The following KMT2D variants were observed in gnomAD, a reference collection of about 807,000 sequenced individuals.
The protein encoded by KMT2D is lysine methyltransferase 2D, also known as histone-lysine N-methyltransferase 2D.
KMT2D carries 55 observed loss-of-function variants against 512.7 expected under a neutral mutation model. The ratio of observed to expected loss-of-function variants is 0.11; its 90% CI spans 0.09 to 0.13. The LOEUF is 0.13. KMT2D is among the 10% of genes least tolerant of loss of function. The probability of loss-of-function intolerance (pLI) is 1.00; values close to 1 mark genes in which losing one functional copy is unlikely to be tolerated. For missense variants in KMT2D, 6,061 were observed against 7,127.9 expected, an observed-to-expected ratio of 0.85 and a Z score of 5.39; for synonymous variants, 2,995 against 2,904.0, an observed-to-expected ratio of 1.03 and a Z score of -1.01.
rs892082762 is a variant in KMT2D, at chr12:49,024,427, A to G, written c.16052+151T>C. 1.5e-5 allele frequency: 15 copies of G among 987,678 alleles called. No homozygotes were observed. In the Middle Eastern group the frequency reaches 9.9e-4, roughly 65 times the overall value. 61.2% of individuals were successfully genotyped at this position (987,678 alleles called of 1,614,324 possible). A position where few individuals can be genotyped will look rare whatever the true frequency, so the allele number is the denominator to read the frequency against. On this transcript the variant is annotated intron_variant, in intron 51 of 54. Transcript: ENST00000301067. The surrounding 1 kb of genome is among the most constrained non-coding windows in gnomAD (Gnocchi z 4.5). ...AGGAGGAAAAGGATACCCTACTAATACCTGCATGCCCTCTAATTAGGAAGT... is the reference window on the plus strand; with the variant it reads ...AGGAGGAAAAGGATACCCTACTAATGCCTGCATGCCCTCTAATTAGGAAGT...
Position 49,030,416 on chromosome 12 carries a change from T to C in KMT2D, c.13863A>G (p.Thr4621=). 4 of 1,258,762 alleles carry C rather than the reference T, an allele frequency of 3.2e-6. No homozygotes were observed. The highest frequency in any genetic ancestry group is 4.2e-6 in the Non-Finnish European group (4 of 946,026). 78.0% of individuals were successfully genotyped at this position (1,258,762 alleles called of 1,614,324 possible). A position where few individuals can be genotyped will look rare whatever the true frequency, so the allele number is the denominator to read the frequency against. ...LTKNNLSNPP[T]PPSSLPPTPP... Reference sequence around the variant, plus strand: ...GGGTGGGGGGCAGCGACGAGGGTGGTGTCGGCGGGTTACTCAGGTTATTCT... The same window carrying C: ...GGGTGGGGGGCAGCGACGAGGGTGGCGTCGGCGGGTTACTCAGGTTATTCT... Residue 4621 remains threonine, a synonymous_variant, in exon 43 of 55, where the codon ACA becomes ACG. Transcript: ENST00000301067.
At position 49,027,287 on chromosome 12, in the gene KMT2D, G is replaced by A; in HGVS notation, c.14679C>T (p.Ser4893=). ...SPAPEPPTQH[S]YTYNVSNLDV... ...CCAGATTGGAGACATTGTAGGTATA[G>A]CTGTGCTGAGTGGGTGGCTCTGGGG... Residue 4893 remains serine (S), a synonymous_variant, in exon 49 of 55, where the codon AGC becomes AGT. Transcript: ENST00000301067. 6.5e-7 allele frequency: 1 copy of A among 1,543,244 alleles called. No homozygotes were observed. The highest frequency in any genetic ancestry group is 8.7e-7 in the Non-Finnish European group (1 of 1,148,332).
chr12:49,038,490 T>C lies in KMT2D; in HGVS notation c.8866A>G (p.Thr2956Ala), dbSNP rs777346353. 29 of 1,606,612 alleles carry C rather than the reference T, an allele frequency of 1.8e-5. No homozygotes were observed. The highest frequency in any genetic ancestry group is 6.7e-5 in the Admixed American group (4 of 59,658). ...LHPTPHTKGP[T>A]LPTGLELVNR... Reference sequence around the variant, plus strand: ...ACCAGCTCCAAACCAGTTGGCAGGGTAGGACCCTTGGTGTGGGGTGTTGGA... The same window carrying C: ...ACCAGCTCCAAACCAGTTGGCAGGGCAGGACCCTTGGTGTGGGGTGTTGGA... The change falls in exon 35 of 55, where the codon ACC becomes GCC. Residue 2956 changes from threonine (T) to alanine (A), a missense_variant. Physicochemically the swap from Thr to Ala is moderately conservative, Grantham distance 58. This residue lies in a region of KMT2D where 527 missense variants were observed against 578.9 expected (regional missense o/e 0.91). Transcript: ENST00000301067. This position sits in a 1 kb window ranked among gnomAD's most constrained non-coding sequence, Gnocchi z 5.7.
In KMT2D at chr12:49,051,972, G is replaced by A. The variant is rs1263886473; in HGVS notation, c.1711C>T (p.Arg571Cys). 1.5e-5 allele frequency: 24 copies of A among 1,613,506 alleles called. No individual in the cohort carries two copies. The highest frequency in any genetic ancestry group is 4.4e-5 in the South Asian group (4 of 91,070). Reference sequence around the variant, plus strand: ...GACTCCTCAGGTGGTGGAGACAGGCGAGATGCTTCAGGTGGCGGGGAAGTG... The same window carrying A: ...GACTCCTCAGGTGGTGGAGACAGGCAAGATGCTTCAGGTGGCGGGGAAGTG... ...LPTSPPPEAS[R>C]LSPPPEESPM... Residue 571 changes from arginine (R) to cysteine (C), a missense_variant, in exon 11 of 55, where the codon CGC becomes TGC. By Grantham distance (180) the Arg-to-Cys change is radical. This residue lies in a region of KMT2D where 848 missense variants were observed against 838.5 expected (regional missense o/e 1.01). Transcript: ENST00000301067.
rs2120486171 is a variant in KMT2D, at chr12:49,037,825, C to T, written c.9531G>A (p.Gly3177=). The part of the protein sequence containing the change: ...RMGTGPFSSS[G]HTAEKASFGA... ...CAAAGGAGGCCTTCTCAGCTGTGTG[C>T]CCACTGCTAGAAAATGGCCCTGTGC... is the stretch of plus-strand genomic sequence containing the variant. Residue 3177 remains glycine (G), a synonymous_variant, in exon 35 of 55, where the codon GGG becomes GGA. Coordinates refer to ENST00000301067, the MANE Select transcript of KMT2D (RefSeq NM_003482.4). The T allele has an allele frequency of 1.3e-6, 2 of 1,596,800 alleles. No homozygotes were observed. Among genetic ancestry groups the T allele is most frequent in the Non-Finnish European group, 8.5e-7 (1 of 1,171,542 alleles).
intron 1 of KMT2D, among the ~76,000 whole-genome samples, chr12:49,056,609 G>A (rs1194629689): frequency 6.6e-6 from 1 of 152,200 alleles, no homozygotes; most frequent in Non-Finnish European, 1.5e-5. Context: ...GAAAGTGGTG[G>A]TGAGGTGGGG....
Position 49,032,954 on chromosome 12 carries a change from C to T in KMT2D, c.11751G>A (p.Gln3917=), listed in dbSNP as rs1050454871. 1.3e-6 allele frequency: 2 copies of T among 1,550,338 alleles called. No homozygotes were observed. The highest frequency in any genetic ancestry group is 2.7e-5 in the African/African-American group (2 of 72,918). ...GTTGCTGTTGCTGTTGTAGCTGCTGCTGCTGCTGCTGCTGAAGTTGCTGTT... is the reference window on the plus strand; with the variant it reads ...GTTGCTGTTGCTGTTGTAGCTGCTGTTGCTGCTGCTGCTGAAGTTGCTGTT... The part of the protein sequence containing the change: ...QQQQQLQQQQ[Q]QQLQQQQQLQ... Residue 3917 remains glutamine (Q), a synonymous_variant, in exon 40 of 55, where the codon CAG becomes CAA. Transcript: ENST00000301067.
Position 49,032,241 on chromosome 12 carries a change from G to A in KMT2D, c.12464C>T (p.Pro4155Leu), listed in dbSNP as rs2120429741. 6.2e-7 allele frequency: 1 copy of A among 1,613,838 alleles called. No homozygotes were observed. Among genetic ancestry groups the A allele is most frequent in the East Asian group, 2.2e-5 (1 of 44,888 alleles). Residue 4155 changes from proline to leucine, a missense_variant, in exon 40 of 55, where the codon CCC becomes CTC. Physicochemically the swap from Pro to Leu is moderately conservative, Grantham distance 98 (BLOSUM62 -3). Transcript: ENST00000301067. ...PGSMTQNLLGPQQPMLERPMQ... is the reference protein window; with the variant it reads ...PGSMTQNLLGLQQPMLERPMQ... ...GGGCCGCTCTAGCATGGGCTGTTGGGGGCCCAGAAGGTTCTGGGTCATGGA... is the reference window on the plus strand; with the variant it reads ...GGGCCGCTCTAGCATGGGCTGTTGGAGGCCCAGAAGGTTCTGGGTCATGGA...
rs1555198633 is a variant in KMT2D, at chr12:49,054,385, T to C, written c.432A>G (p.Ala144=). Residue 144 remains alanine, a synonymous_variant, in exon 5 of 55, where the codon GCA becomes GCG. Transcript: ENST00000301067. This position sits in a 1 kb window ranked among gnomAD's most constrained non-coding sequence, Gnocchi z 6.4. The part of the protein sequence containing the change: ...GSCWAHHWCA[A]WSAGVWGQEG... ...CCTGCCCCCATACGCCTGCCGACCA[T>C]GCAGCACACCAATGGTGAGCCCAGC... The C allele has an allele frequency of 6.3e-7, 1 of 1,594,320 alleles. No individual in the cohort carries two copies. Among genetic ancestry groups the C allele is most frequent in the South Asian group, 1.1e-5 (1 of 87,808 alleles).
At chr12:49,057,986 C>T (rs551922857) in intron 1 of KMT2D, among the ~76,000 whole-genome samples, 345 of 152,314 alleles carry the variant, frequency 2.3e-3, no homozygotes, top group Non-Finnish European at 4.1e-3. Flanking sequence ...CCTCCCAGAC[C>T]AACAGCTTTC....
rs1214099522 is a variant in KMT2D, at chr12:49,026,643, C to T, written c.15323G>A (p.Arg5108His). 2 of 1,613,876 alleles carry T rather than the reference C, an allele frequency of 1.2e-6. No individual in the cohort carries two copies. The highest frequency in any genetic ancestry group is 1.3e-5 in the African/African-American group (1 of 74,948). Residue 5108 changes from arginine (R) to histidine (H), a missense_variant, in exon 49 of 55, where the codon CGT (arginine) becomes CAT (histidine). Arg to His is a conservative substitution (Grantham distance 29). Transcript: ENST00000301067. This position sits in a 1 kb window ranked among gnomAD's most constrained non-coding sequence, Gnocchi z 9.6. ...TGATSSCNRMRCPNVYHFACA... is the reference protein window; with the variant it reads ...TGATSSCNRMHCPNVYHFACA... ...AGCAAAATGGTAGACATTGGGGCAA[C>T]GCATGCGATTGCAGCTGCTGGTGGC...
chr12:49,037,301 T>C lies in KMT2D; in HGVS notation c.10055A>G (p.Asn3352Ser), dbSNP rs2120477009. Residue 3352 changes from asparagine to serine, a missense_variant, in exon 35 of 55, where the codon AAT becomes AGT. By Grantham distance (46) the Asn-to-Ser change is conservative. Around this residue, in one of 16 missense-constraint regions of KMT2D, gnomAD observed 533 missense variants for 539.6 expected, o/e 0.99. Coordinates refer to ENST00000301067, the MANE Select transcript of KMT2D (RefSeq NM_003482.4). ...RLAPSMAMVS[N>S]QGHMLSGQHG... ...CTGCCCACTTAGCATATGCCCTTGA[T>C]TGGACACCATAGCCATGGATGGAGC... The C allele has an allele frequency of 1.2e-6, 2 of 1,613,458 alleles. No individual in the cohort carries two copies. The highest frequency in any genetic ancestry group is 1.6e-4 in the Middle Eastern group (1 of 6,062).
intron 15 of KMT2D, among the ~76,000 whole-genome samples, chr12:49,047,707 A>T (rs1937640185): frequency 6.6e-6 from 1 of 152,186 alleles, no homozygotes; most frequent in Non-Finnish European, 1.5e-5. Flanking sequence ...GGTGGGAGCC[A>T]CCATGCCCAG....
In KMT2D at chr12:49,030,290, C is replaced by G; in HGVS notation, c.13989G>C (p.Arg4663Ser). The G allele has an allele frequency of 6.2e-7, 1 of 1,601,542 alleles. No individual in the cohort carries two copies. Among genetic ancestry groups the G allele is most frequent in the Non-Finnish European group, 8.5e-7 (1 of 1,173,738 alleles). The change falls in exon 43 of 55, where the codon AGG (arginine) becomes AGC (serine). Residue 4663 changes from arginine (R) to serine (S), a missense_variant. Physicochemically the swap from Arg to Ser is moderately radical, Grantham distance 110. Transcript: ENST00000301067. ...KDAASARDSE[R>S]ALRDTSEVKS... ...CTGCTCTTGACTTACCCCTCAGTGC[C>G]CTTTCACTATCCCGGGCAGAGGCAG...
chr12:49,027,781 C>T (rs1477710180), intron 48 of KMT2D, 22 bp downstream of exon 48: 3 of 1,553,356 alleles, frequency 1.9e-6, no homozygotes, highest in Non-Finnish European at 2.6e-6. Flanking sequence ...AACACCCACC[C>T]CTTTTTCTCC....
At position 49,028,800 on chromosome 12, in the gene KMT2D, T is replaced by C. The variant is rs755745811; in HGVS notation, c.14382+28A>G. On this transcript the variant is annotated intron_variant, in intron 46 of 54. Transcript: ENST00000301067. ...GGACTGCCCTCTGATCAGGTTCCCC[T>C]CAGCCTCGAGGTACCCCTAGGACAC... The C allele has an allele frequency of 1.1e-5, 18 of 1,611,122 alleles. No homozygotes were observed. In the East Asian group the frequency reaches 3.8e-4, roughly 34 times the overall value.
intron 51 of KMT2D, among the ~76,000 whole-genome samples, chr12:49,023,242 C>T (rs1023677167): frequency 5.3e-5 from 8 of 152,162 alleles, no homozygotes; most frequent in Admixed American, 3.3e-4. Context: ...GGAAGTTTTC[C>T]GCAAGCAGCC....
rs1011898577 is a variant in KMT2D, at chr12:49,028,855, C to T, written c.14355G>A (p.Met4785Ile). Residue 4785 changes from methionine to isoleucine, a missense_variant, in exon 46 of 55, where the codon ATG becomes ATA. Met to Ile is a conservative substitution (Grantham distance 10). Coordinates refer to ENST00000301067, the MANE Select transcript of KMT2D (RefSeq NM_003482.4). ...TGGCTGCAGCAGCAGAGACTGTGAGCATGACTGACACCTCACTTCCTTTGC... is the reference window on the plus strand; with the variant it reads ...TGGCTGCAGCAGCAGAGACTGTGAGTATGACTGACACCTCACTTCCTTTGC... ...EKGKGSEVSV[M>I]LTVSAAAAKN... The T allele has an allele frequency of 4.3e-6, 7 of 1,614,010 alleles. No homozygotes were observed. Among genetic ancestry groups the T allele is most frequent in the Non-Finnish European group, 5.9e-6 (7 of 1,179,894 alleles).
chr12:49,043,026 T>C (rs988703694), intron 26 of KMT2D, 50 bp downstream of exon 26: 4 of 1,570,974 alleles, frequency 2.5e-6, no homozygotes, highest in Non-Finnish European at 3.5e-6. Flanking sequence ...ACCTCCTCCT[T>C]CTCCCATAGA....
Sources: allele counts gnomAD v4.1 joint callset (sites outside exome capture counted in the v4.1 genomes callset), GRCh38; gene constraint gnomAD v4.1.1; regional missense constraint gnomAD v4.1.1; non-coding constraint Gnocchi (gnomAD v3.1); transcripts MANE v1.5; gene names NCBI Gene and HGNC (gene_info 2026-07-23, HGNC 2026-07-21).